Variants in SYT16 observed in about 807,000 individuals in gnomAD.
SYT16 encodes synaptotagmin 16.
Under a neutral mutation model 61.4 loss-of-function variants are expected in SYT16, and 42 were observed. The ratio of observed to expected loss-of-function variants is 0.68; its 90% CI spans 0.53 to 0.89. The LOEUF (loss-of-function observed/expected upper bound fraction) is 0.89, where lower values mean the gene tolerates loss of function less well. SYT16 is among the 40% of genes least tolerant of loss of function. The pLI is 0.00. For synonymous variants in SYT16, 314 were observed against 302.3 expected (o/e 1.04, Z -0.40); for missense variants, 804 against 807.3 (o/e 1.00, Z 0.05).
At chr14:61,815,148 T>C (rs958704478) in intron 1 of SYT16, among the ~76,000 whole-genome samples, 1 of 152,222 alleles carries the variant, frequency 6.6e-6, no homozygotes, top group African/African-American at 2.4e-5. Context: ...TCAGTAAGTC[T>C]GGGGTGCATC....
At chr14:61,976,529 A>G (rs893643601) in intron 2 of SYT16, among the ~76,000 whole-genome samples, 2 of 152,116 alleles carry the variant, frequency 1.3e-5, no homozygotes, top group African/African-American at 4.8e-5. Flanking sequence ...CCAAACTTCA[A>G]TTCTTGACTT....
chr14:61,893,059 T>A (rs189591343), intron 1 of SYT16, among the ~76,000 whole-genome samples: 9 of 152,278 alleles, frequency 5.9e-5, no homozygotes. Context: ...AACAGGCCGT[T>A]ATAGCGACAC....
At chr14:61,833,300 T>C (rs1179108475) in intron 1 of SYT16, among the ~76,000 whole-genome samples, 3 of 151,294 alleles carry the variant, frequency 2.0e-5, no homozygotes, top group Admixed American at 1.3e-4. Context: ...CTTTTCTTTT[T>C]TTTTTTTTTG....
At chr14:62,052,710 T>C (rs1473069809) in intron 3 of SYT16, among the ~76,000 whole-genome samples, 2 of 152,156 alleles carry the variant, frequency 1.3e-5, no homozygotes, top group African/African-American at 4.8e-5. Flanking sequence ...GGTGGAGCCC[T>C]CATGAGTGGG....
intron 2 of SYT16, among the ~76,000 whole-genome samples, chr14:61,990,040 GA>G (rs770557703): frequency 1.3e-5 from 2 of 152,112 alleles, no homozygotes; most frequent in African/African-American, 2.4e-5. Context: ...AAATGCTGTA[GA>G]AGATATTTCA....
At chr14:61,890,754 G>A (rs1303975563) in intron 1 of SYT16, among the ~76,000 whole-genome samples, 1 of 152,106 alleles carries the variant, frequency 6.6e-6, no homozygotes, top group Admixed American at 6.5e-5. Flanking sequence ...CAAGCCTCTG[G>A]GATTGTATTG....
chr14:61,886,898 C>CTTTTTTTTTTTTTTT (rs377557650), intron 1 of SYT16, among the ~76,000 whole-genome samples: 1 of 98,230 alleles, frequency 1.0e-5, no homozygotes, highest in Non-Finnish European at 2.0e-5. Flanking sequence ...TTTTTTTTGT[C>CTTTTTTTTTTTTTTT]TTTTTTTTTT....
intron 1 of SYT16, chr14:61,832,436 T>C: frequency 4.5e-6 from 2 of 441,936 alleles, no homozygotes; most frequent in South Asian, 1.7e-5. Flanking sequence ...GTAGTTCTTT[T>C]TTGTTTTTTT....
intron 1 of SYT16, among the ~76,000 whole-genome samples, chr14:61,815,517 G>A (rs746755202): frequency 3.1e-4 from 47 of 152,296 alleles, no homozygotes; most frequent in Non-Finnish European, 3.2e-4. Flanking sequence ...CTATATGAAT[G>A]TAGCATGTAA....
intron 1 of SYT16, among the ~76,000 whole-genome samples, chr14:61,823,708 C>T (rs969299768): frequency 7.5e-4 from 114 of 151,778 alleles, no homozygotes; most frequent in African/African-American, 2.2e-3. Flanking sequence ...GTTGAGATGG[C>T]GCCACTGCGC....
At chr14:61,838,977 AC>A (rs557197744) in intron 1 of SYT16, among the ~76,000 whole-genome samples, 93 of 82,126 alleles carry the variant, frequency 1.1e-3, no homozygotes, top group Non-Finnish European at 1.8e-3. Flanking sequence ...CCGGCCCCCC[AC>A]CCCCCCGCCA....
At chr14:61,897,052 GA>G (rs954194331) in intron 1 of SYT16, among the ~76,000 whole-genome samples, 4 of 151,722 alleles carry the variant, frequency 2.6e-5, no homozygotes, top group Non-Finnish European at 5.9e-5. Flanking sequence ...CAAGTGGTGG[GA>G]AAAAAAAGAA....
chr14:62,063,410 A>G (rs1457114576), intron 3 of SYT16, among the ~76,000 whole-genome samples: 1 of 152,260 alleles, frequency 6.6e-6, no homozygotes, highest in Non-Finnish European at 1.5e-5. Context: ...ACATATGCTA[A>G]GGCCTTTACG....
chr14:61,910,877 G>A (rs1054650541), intron 1 of SYT16, among the ~76,000 whole-genome samples: 1 of 152,162 alleles, frequency 6.6e-6, no homozygotes, highest in Admixed American at 6.5e-5. Flanking sequence ...GCTCTGATGA[G>A]GCAAGGTAAT....
At chr14:62,005,926 C>T (rs891981625) in intron 3 of SYT16, among the ~76,000 whole-genome samples, 2 of 152,072 alleles carry the variant, frequency 1.3e-5, no homozygotes, top group African/African-American at 4.8e-5. Flanking sequence ...GCACCATGGG[C>T]TTAGAATGAG....
At chr14:62,004,872 T>A (rs1401918474) in intron 3 of SYT16, among the ~76,000 whole-genome samples, 1 of 152,156 alleles carries the variant, frequency 6.6e-6, no homozygotes, top group Non-Finnish European at 1.5e-5. Context: ...GGTGGCCTCA[T>A]TACCACTGGG....
At position 62,080,906 on chromosome 14, in the gene SYT16, G is replaced by A. The variant is rs1268582101; in HGVS notation, c.1066G>A (p.Val356Ile). The change falls in exon 6 of 8, where the codon GTC becomes ATC. Residue 356 changes from valine to isoleucine, a missense_variant. Physicochemically the swap from Val to Ile is conservative, Grantham distance 29. Coordinates refer to ENST00000683842, the MANE Select transcript of SYT16 (RefSeq NM_001367656.1). ...CATCTCAAAGTGTGGTGACCTAGAT[G>A]TCATCTTTGAATATAGAGCCGCCAG... ...EPISKCGDLD[V>I]IFEYRAASQK... 1 of 1,605,506 alleles carries A rather than the reference G, an allele frequency of 6.2e-7. No homozygotes were observed. The highest frequency in any genetic ancestry group is 1.7e-5 in the Admixed American group (1 of 58,828).
At chr14:62,032,798 C>T (rs1387894334) in intron 3 of SYT16, among the ~76,000 whole-genome samples, 1 of 151,400 alleles carries the variant, frequency 6.6e-6, no homozygotes, top group Non-Finnish European at 1.5e-5. Context: ...TGTTTCAGGA[C>T]TAAAATATTT....
intron 1 of SYT16, chr14:61,865,383 C>A: frequency 1.6e-6 from 1 of 629,724 alleles, no homozygotes; most frequent in South Asian, 1.5e-5. Context: ...GGGCTGCTCT[C>A]CTCATTTATG....
Sources: gnomAD v4.1 joint callset for allele counts (sites outside exome capture counted in the v4.1 genomes callset) on GRCh38, gnomAD v4.1.1 for gene constraint, MANE v1.5 for transcripts, NCBI Gene and HGNC (gene_info 2026-07-23, HGNC 2026-07-21) for gene names.